Variants in CTDSPL2 observed in about 807,000 individuals in gnomAD.
The protein encoded by CTDSPL2 is CTD small phosphatase like 2.
CTDSPL2 carries 5 observed loss-of-function variants against 60.0 expected under a neutral mutation model. The observed-to-expected ratio is 0.08, with a 90% CI of 0.04 to 0.18. The LOEUF (loss-of-function observed/expected upper bound fraction) is 0.18. Ranked by LOEUF, CTDSPL2 falls within the 10% of genes least tolerant of loss-of-function variation. The probability of loss-of-function intolerance (pLI) is 1.00; values close to 1 mark genes in which losing one functional copy is unlikely to be tolerated. For missense variants in CTDSPL2, 370 were observed against 548.8 expected, an observed-to-expected ratio of 0.67 and a Z score of 3.26; for synonymous variants, 186 against 189.3, an observed-to-expected ratio of 0.98 and a Z score of 0.14.
chr15:44,527,466 A>C lies in CTDSPL2; in HGVS notation c.*3292A>C, dbSNP rs988746802. On this transcript the variant is annotated 3_prime_UTR_variant, in exon 13 of 13. Transcript: ENST00000260327. ...ATGAAGAAAGCATTTCATTATTCCT[A>C]CAGATCTTTCCTGCGAGCACAGAAT... 2 of 152,166 alleles carry C rather than the reference A, an allele frequency of 1.3e-5. No homozygotes were observed. The highest frequency in any genetic ancestry group is 2.9e-5 in the Non-Finnish European group (2 of 67,994). The allele number at this position is 152,166 out of a possible 1,614,324, so 9.4% of individuals were successfully genotyped here. A position where few individuals can be genotyped will look rare whatever the true frequency, so the allele number is the denominator to read the frequency against.
At chr15:44,519,401 G>T in intron 11 of CTDSPL2, 106 bp downstream of exon 11, 1 of 993,736 alleles carries the variant, frequency 1.0e-6, no homozygotes, top group East Asian at 2.9e-5. Context: ...TTTCACTGGT[G>T]GAATTTCCCT....
Position 44,519,069 on chromosome 15 carries a change from T to C in CTDSPL2, c.1113-100T>C, listed in dbSNP as rs1051495247. ...GAATTTCCTTCAAGAGAGAAAATCATATGGCTTAAACTATAAAGCCTATGG... is the reference window on the plus strand; with the variant it reads ...GAATTTCCTTCAAGAGAGAAAATCACATGGCTTAAACTATAAAGCCTATGG... On this transcript the variant is annotated intron_variant, in intron 10 of 12. Coordinates refer to ENST00000260327, the MANE Select transcript of CTDSPL2 (RefSeq NM_016396.3). The C allele has an allele frequency of 4.1e-6, 3 of 731,742 alleles. No individual in the cohort carries two copies. The African/African-American group carries it at 5.5e-5, about 14-fold the overall frequency. 45.3% of individuals were successfully genotyped at this position (731,742 alleles called of 1,614,324 possible). A position where few individuals can be genotyped will look rare whatever the true frequency, so the allele number is the denominator to read the frequency against.
chr15:44,510,142 C>A (rs546025644), intron 8 of CTDSPL2, among the ~76,000 whole-genome samples: 237 of 151,850 alleles, frequency 1.6e-3, no homozygotes, highest in African/African-American at 5.5e-3. Context: ...CATGCCACCA[C>A]GTCCAGCTAA....
chr15:44,434,662 C>T (rs953107388), intron 1 of CTDSPL2, among the ~76,000 whole-genome samples: 7 of 152,088 alleles, frequency 4.6e-5, no homozygotes, highest in Non-Finnish European at 5.9e-5. Flanking sequence ...TTCCAAAGTG[C>T]TGAGATTACA....
intron 1 of CTDSPL2, among the ~76,000 whole-genome samples, chr15:44,434,308 G>C (rs1001284824): frequency 2.0e-5 from 3 of 152,158 alleles, no homozygotes; most frequent in African/African-American, 7.2e-5. Context: ...GCTGAAGCAG[G>C]AGAATTGCTT....
At position 44,484,366 on chromosome 15, in the gene CTDSPL2, T is replaced by C. The variant is rs1333874755; in HGVS notation, c.325+4T>C. 6.2e-7 allele frequency: 1 copy of C among 1,611,546 alleles called. No individual in the cohort carries two copies. Among genetic ancestry groups the C allele is most frequent in the Non-Finnish European group, 8.5e-7 (1 of 1,178,254 alleles). On this transcript the variant is annotated splice_donor_region_variant and intron_variant, in intron 3 of 12. Transcript: ENST00000260327. ...CGGAAAAGTCAAGTAAATGGAGGTT[T>C]GTTAATATTTAGATACTGTTTTATT...
In CTDSPL2 at chr15:44,427,689, C is replaced by T; in HGVS notation, c.-108C>T. 2.5e-6 allele frequency: 1 copy of T among 399,380 alleles called. No individual in the cohort carries two copies. The highest frequency in any genetic ancestry group is 4.4e-6 in the Non-Finnish European group (1 of 226,412). The allele number at this position is 399,380 out of a possible 1,614,324, so 24.7% of individuals were successfully genotyped here. On this transcript the variant is annotated 5_prime_UTR_variant, in exon 1 of 13. Transcript: ENST00000260327. ...GAAGGAGCTGGTTCTGTTGCTGCTGCGGGGTAAGCGGGAAAGACACCACAC... is the reference window on the plus strand; with the variant it reads ...GAAGGAGCTGGTTCTGTTGCTGCTGTGGGGTAAGCGGGAAAGACACCACAC...
intron 1 of CTDSPL2, among the ~76,000 whole-genome samples, chr15:44,456,876 T>G (rs1657780544): frequency 2.7e-5 from 4 of 148,678 alleles, no homozygotes; most frequent in Admixed American, 2.7e-4. Context: ...CTTTTTTTTT[T>G]TGTTTTTTTT....
chr15:44,483,469 T>C (rs545422593), intron 2 of CTDSPL2, among the ~76,000 whole-genome samples: 12 of 126,978 alleles, frequency 9.5e-5, no homozygotes, highest in African/African-American at 1.2e-4. Context: ...ACTCAGGAGG[T>C]TGAGGTTGCA....
chr15:44,430,263 A>ATTTATT, intron 1 of CTDSPL2, among the ~76,000 whole-genome samples: 1 of 152,084 alleles, frequency 6.6e-6, no homozygotes, highest in Non-Finnish European at 1.5e-5. Context: ...GTAAAATGGC[A>ATTTATT]TTTATTTTTA....
intron 1 of CTDSPL2, chr15:44,448,720 A>G: frequency 3.0e-6 from 1 of 337,568 alleles, no homozygotes; most frequent in Non-Finnish European, 5.9e-6. Flanking sequence ...GCCTTTATTC[A>G]GGTGATTGGC....
intron 2 of CTDSPL2, among the ~76,000 whole-genome samples, chr15:44,480,041 T>A (rs957616775): frequency 4.6e-5 from 7 of 152,196 alleles, no homozygotes; most frequent in Admixed American, 2.0e-4. Flanking sequence ...GTCTTTTCTC[T>A]CTGTGCCTGC....
chr15:44,520,250 G>A (rs906154757), intron 11 of CTDSPL2: 8 of 151,452 alleles, frequency 5.3e-5, no homozygotes, highest in African/African-American at 1.9e-4. Flanking sequence ...CCGGGTTCGT[G>A]ATTCTCCTGC....
At chr15:44,517,747 G>A (rs185008794) in intron 10 of CTDSPL2, among the ~76,000 whole-genome samples, 1 of 152,322 alleles carries the variant, frequency 6.6e-6, no homozygotes, top group Admixed American at 6.5e-5. Flanking sequence ...TATCGGTGAA[G>A]AGGCATCAAC....
chr15:44,494,563 G>A lies in CTDSPL2; in HGVS notation c.692-1817G>A, dbSNP rs8023328. 1.5e-3 allele frequency among the ~76,000 whole-genome samples: 230 copies of A among 151,820 alleles called. 1 individual carries two copies. The highest frequency in any genetic ancestry group is 5.2e-3 in the African/African-American group (214 of 41,398). On this transcript the variant is annotated intron_variant, in intron 5 of 12. Coordinates refer to ENST00000260327, the MANE Select transcript of CTDSPL2 (RefSeq NM_016396.3). Reference sequence around the variant, plus strand: ...GAGTCCACAGTGTTTGCTCCACTGTGCTCCAGCCTGGGCAACAGAGCAGGA... The same window carrying A: ...GAGTCCACAGTGTTTGCTCCACTGTACTCCAGCCTGGGCAACAGAGCAGGA...
intron 4 of CTDSPL2, 93 bp downstream of exon 4, chr15:44,486,793 T>G (rs1244158429): frequency 1.0e-6 from 1 of 956,538 alleles, no homozygotes; most frequent in African/African-American, 1.7e-5. Context: ...ACGAAGTCTC[T>G]CTTTGTTGCC....
chr15:44,508,850 G>A (rs2081517804), intron 8 of CTDSPL2, among the ~76,000 whole-genome samples: 1 of 152,124 alleles, frequency 6.6e-6, no homozygotes, highest in Admixed American at 6.5e-5. Flanking sequence ...CCCGGGAGGT[G>A]GAGGTTGTAG....
rs181401461 is a variant in CTDSPL2, at chr15:44,513,469, A to G, written c.970-1129A>G. Among the ~76,000 whole-genome samples, 6 of 152,360 alleles carry G rather than the reference A, an allele frequency of 3.9e-5. No homozygotes were observed. The East Asian group carries it at 7.7e-4, about 20-fold the overall frequency. Reference sequence around the variant, plus strand: ...GCCGTAAGAGTGAAACTCCATCTCAAACAAACAGAATTTGTCTCCTATAAG... The same window carrying G: ...GCCGTAAGAGTGAAACTCCATCTCAGACAAACAGAATTTGTCTCCTATAAG... On this transcript the variant is annotated intron_variant, in intron 8 of 12. Transcript: ENST00000260327.
chr15:44,476,358 A>T (rs1179829845), intron 2 of CTDSPL2, among the ~76,000 whole-genome samples: 1 of 152,066 alleles, frequency 6.6e-6, no homozygotes, highest in Non-Finnish European at 1.5e-5. Flanking sequence ...GAGCCACTGC[A>T]CCCGGCCACA....
Sources: gnomAD v4.1 joint callset for allele counts (sites outside exome capture counted in the v4.1 genomes callset) on GRCh38, gnomAD v4.1.1 for gene constraint, MANE v1.5 for transcripts, NCBI Gene and HGNC (gene_info 2026-07-23, HGNC 2026-07-21) for gene names.